Variants in GRHL3 observed in about 807,000 individuals in gnomAD.
GRHL3 encodes grainyhead like transcription factor 3, also known as grainyhead-like protein 3 homolog.
A neutral mutation model predicts 70.3 loss-of-function variants in GRHL3; 20 were observed. The observed-to-expected ratio is 0.28, with a 90% CI of 0.20 to 0.41. The LOEUF is 0.41. Among genes scored for constraint, GRHL3 ranks in the 10% least tolerant of loss-of-function variants. The probability of loss-of-function intolerance (pLI) is 1.00; values close to 1 mark genes in which losing one functional copy is unlikely to be tolerated. For synonymous variants in GRHL3, 299 were observed against 299.9 expected (o/e 1.00, Z 0.03); for missense variants, 637 against 762.3 (o/e 0.84, Z 1.94).
rs1046642352 is a variant in GRHL3 at position 24,321,492 on chromosome 1, A to G, written c.17+1924A>G. Among the ~76,000 whole-genome samples the G allele has an allele frequency of 3.9e-5, 6 of 152,256 alleles. No homozygotes were observed. The highest frequency in any genetic ancestry group is 1.4e-4 in the African/African-American group (6 of 41,472). ...AAGTGCCAAGTTAAGAGGACTGGCCATAGCTTACAGCTTGGGCCCTCATGG... is the reference window on the plus strand; with the variant it reads ...AAGTGCCAAGTTAAGAGGACTGGCCGTAGCTTACAGCTTGGGCCCTCATGG... On this transcript the variant is annotated intron_variant, in intron 1 of 15. Coordinates refer to ENST00000361548, the MANE Select transcript of GRHL3 (RefSeq NM_198173.3). This position sits in a 1 kb window ranked among gnomAD's most constrained non-coding sequence, Gnocchi z 4.0.
At chr1:24,319,917 T>C (rs1639117442) in intron 1 of GRHL3, 1 of 385,662 alleles carries the variant, frequency 2.6e-6, no homozygotes, top group Non-Finnish European at 4.8e-6. Flanking sequence ...CTTTCTATCT[T>C]CTTGCCAAAA....
At chr1:24,344,782 A>T in intron 11 of GRHL3, 115 bp from the exon 12 acceptor site, 2 of 1,117,910 alleles carry the variant, frequency 1.8e-6, no homozygotes, top group Middle Eastern at 2.0e-4. Context: ...AGGCATTGTA[A>T]CAGTATTCTC....
chr1:24,335,903 A>T (rs966148124), intron 3 of GRHL3, among the ~76,000 whole-genome samples: 2 of 152,172 alleles, frequency 1.3e-5, no homozygotes, highest in Non-Finnish European at 2.9e-5. Context: ...ATTTTTAAAA[A>T]TATCATTAGC....
At chr1:24,362,478 G>T (rs1233759735) in intron 15 of GRHL3, among the ~76,000 whole-genome samples, 1 of 152,184 alleles carries the variant, frequency 6.6e-6, no homozygotes, top group Non-Finnish European at 1.5e-5. Flanking sequence ...TTTCTCTATA[G>T]CTTAGCGTCA....
Position 24,337,796 on chromosome 1 carries a change from T to C in GRHL3, c.840+7T>C, listed in dbSNP as rs768105291. The C allele has an allele frequency of 6.2e-7, 1 of 1,614,046 alleles. No homozygotes were observed. The highest frequency in any genetic ancestry group is 1.7e-5 in the Admixed American group (1 of 60,006). On this transcript the variant is annotated splice_region_variant and intron_variant, in intron 6 of 15. Transcript: ENST00000361548. ...GTCCTCCAACAAAGTCAAGGTGCGT[T>C]GGCCTGGAGCAGCTTCAGAAGGGGT...
At chr1:24,331,301 C>T (rs947579111) in intron 1 of GRHL3, 125 bp from the exon 2 acceptor site, 21 of 824,608 alleles carry the variant, frequency 2.5e-5, no homozygotes, top group Admixed American at 5.0e-5. Context: ...CTAATGGTGG[C>T]AGAAGAGGCA....
chr1:24,339,645 CT>C, intron 7 of GRHL3, 22 bp from the exon 8 acceptor site: 1 of 1,564,092 alleles, frequency 6.4e-7, no homozygotes, highest in Non-Finnish European at 8.8e-7. Flanking sequence ...CCTGATTCTC[CT>C]TCTGGTCTCC....
intron 1 of GRHL3, among the ~76,000 whole-genome samples, chr1:24,327,496 A>G (rs1639439029): frequency 1.3e-5 from 2 of 152,182 alleles, no homozygotes; most frequent in Non-Finnish European, 2.9e-5. Flanking sequence ...AAACCCATAC[A>G]CTGTGACCCT....
downstream of GRHL3, chr1:24,358,670 T>G: frequency 7.0e-7 from 1 of 1,418,792 alleles, no homozygotes; most frequent in South Asian, 1.2e-5. Context: ...GGCCCATTGC[T>G]GCAGTCTCTG....
chr1:24,337,169 G>A lies in GRHL3; in HGVS notation c.686+18G>A. On this transcript the variant is annotated intron_variant, in intron 5 of 15. Transcript: ENST00000361548. ...CTCAAAAGGTAACTTGGTCTCCCTGGACCCTCAGACACCTGGGCAGTGGGC... is the reference window on the plus strand; with the variant it reads ...CTCAAAAGGTAACTTGGTCTCCCTGAACCCTCAGACACCTGGGCAGTGGGC... 6.3e-7 allele frequency: 1 copy of A among 1,592,226 alleles called. No homozygotes were observed. The highest frequency in any genetic ancestry group is 8.6e-7 in the Non-Finnish European group (1 of 1,160,842).
rs562212406 is a variant in GRHL3 at position 24,341,794 on chromosome 1, C to G, written c.1048-321C>G. ...CCTATAGGACTCTTGACATCCCCCC[C>G]AGTCTCCACCCCTTGGGCTGCCCTT... On this transcript the variant is annotated intron_variant, in intron 8 of 15. Coordinates refer to ENST00000361548, the MANE Select transcript of GRHL3 (RefSeq NM_198173.3). 2.6e-5 allele frequency among the ~76,000 whole-genome samples: 4 copies of G among 152,232 alleles called. No homozygotes were observed. In the South Asian group the frequency reaches 6.2e-4, roughly 24 times the overall value.
At position 24,334,575 on chromosome 1, in the gene GRHL3, C is replaced by T; in HGVS notation, c.205-70C>T. On this transcript the variant is annotated intron_variant, in intron 2 of 15. Coordinates refer to ENST00000361548, the MANE Select transcript of GRHL3 (RefSeq NM_198173.3). The surrounding 1 kb of genome is among the most constrained non-coding windows in gnomAD (Gnocchi z 4.3). The stretch of plus-strand genomic sequence containing the variant: ...TTACTCCCCTGCCTGGCCAAAGCTG[C>T]AGGAGGGGATTGAGGCTCCTACCAG... 2 of 1,268,160 alleles carry T rather than the reference C, an allele frequency of 1.6e-6. No individual in the cohort carries two copies. Among genetic ancestry groups the T allele is most frequent in the Non-Finnish European group, 2.3e-6 (2 of 873,662 alleles). The allele number at this position is 1,268,160 out of a possible 1,614,324, so 78.6% of individuals were successfully genotyped here.
chr1:24,342,996 C>T lies in GRHL3; in HGVS notation c.1390C>T (p.His464Tyr). 3 of 1,614,084 alleles carry T rather than the reference C, an allele frequency of 1.9e-6. No homozygotes were observed. Among genetic ancestry groups the T allele is most frequent in the Non-Finnish European group, 2.5e-6 (3 of 1,180,022 alleles). Residue 464 changes from histidine to tyrosine, a missense_variant, in exon 11 of 16, where the codon CAC becomes TAC. Coordinates refer to ENST00000361548, the MANE Select transcript of GRHL3 (RefSeq NM_198173.3). The surrounding 1 kb of genome is among the most constrained non-coding windows in gnomAD (Gnocchi z 4.8). Reference sequence around the variant, plus strand: ...ACCCGTGCTGTTCATCCCCAATGTGCACTTCTCCAGCCTGCAGCGCTCTGG... The same window carrying T: ...ACCCGTGCTGTTCATCCCCAATGTGTACTTCTCCAGCCTGCAGCGCTCTGG... ...TPPVLFIPNV[H>Y]FSSLQRSGGA...
chr1:24,345,593 G>A (rs1024249845), intron 12 of GRHL3, among the ~76,000 whole-genome samples: 1 of 152,144 alleles, frequency 6.6e-6, no homozygotes, highest in African/African-American at 2.4e-5. Flanking sequence ...AGAGAGAAGA[G>A]GGAAGCTGTG....
At chr1:24,353,382 G>C (rs936407833) in intron 15 of GRHL3, among the ~76,000 whole-genome samples, 1 of 152,100 alleles carries the variant, frequency 6.6e-6, no homozygotes, top group Non-Finnish European at 1.5e-5. Flanking sequence ...TGGGCAGGTG[G>C]ATGGAGGATG....
intron 3 of GRHL3, among the ~76,000 whole-genome samples, chr1:24,335,281 C>T (rs889094306): frequency 2.0e-5 from 3 of 152,230 alleles, no homozygotes; most frequent in South Asian, 2.1e-4. Flanking sequence ...ACTTCTTCCC[C>T]TGGCATTAGT....
rs1363727374 is a variant in GRHL3, at chr1:24,334,803, C to A, written c.266+97C>A. ...TGACTTATCCATTAGGCACAGGAGG[C>A]ACAGTGCTGAGGGCCCACAACACAT... On this transcript the variant is annotated intron_variant, in intron 3 of 15. Transcript: ENST00000361548. The surrounding 1 kb of genome is among the most constrained non-coding windows in gnomAD (Gnocchi z 4.3). The A allele has an allele frequency of 1.1e-5, 9 of 797,896 alleles. No individual in the cohort carries two copies. Among genetic ancestry groups the A allele is most frequent in the Non-Finnish European group, 1.8e-5 (9 of 494,610 alleles). The allele number at this position is 797,896 out of a possible 1,614,324, so 49.4% of individuals were successfully genotyped here. A position where few individuals can be genotyped will look rare whatever the true frequency, so the allele number is the denominator to read the frequency against.
chr1:24,360,355 A>C (rs1413485934), intron 15 of GRHL3, among the ~76,000 whole-genome samples: 1 of 152,224 alleles, frequency 6.6e-6, no homozygotes, highest in African/African-American at 2.4e-5. Flanking sequence ...AGGCTGAGGC[A>C]TGAGAATTGC....
chr1:24,354,300 T>C, intron 15 of GRHL3, 74 bp from the exon 16 acceptor site: 1 of 990,472 alleles, frequency 1.0e-6, no homozygotes. Context: ...GACCCATCAC[T>C]CATCCTGGTC....
Sources: gnomAD v4.1 joint callset for allele counts (sites outside exome capture counted in the v4.1 genomes callset) on GRCh38, gnomAD v4.1.1 for gene constraint, Gnocchi (gnomAD v3.1) non-coding constraint, MANE v1.5 for transcripts, NCBI Gene and HGNC (gene_info 2026-07-23, HGNC 2026-07-21) for gene names.